Variants in ENTREP2 observed in about 807,000 individuals in gnomAD.
ENTREP2 encodes protein ENTREP2.
the ENTREP2 span, among the ~76,000 whole-genome samples, chr15:29,423,553 C>G: frequency 6.6e-6 from 1 of 151,332 alleles, no homozygotes; most frequent in South Asian, 2.1e-4. Context: ...TTCAGGAGGC[C>G]AAGGCGGGCG....
chr15:29,457,146 C>T, the ENTREP2 span, among the ~76,000 whole-genome samples: 1 of 152,138 alleles, frequency 6.6e-6, no homozygotes, highest in Non-Finnish European at 1.5e-5. Context: ...GCACGACTTC[C>T]CAAAGGAAAG....
At chr15:29,417,693 ATGT>A in the ENTREP2 span, among the ~76,000 whole-genome samples, 2 of 151,976 alleles carry the variant, frequency 1.3e-5, no homozygotes, top group African/African-American at 2.4e-5. Context: ...AAAAAAAGAA[ATGT>A]TGATGTGGCT....
At chr15:29,673,513 G>T in the ENTREP2 span, among the ~76,000 whole-genome samples, 22 of 152,116 alleles carry the variant, frequency 1.4e-4, no homozygotes. Flanking sequence ...GCTGATCATC[G>T]ATCATCATGT....
the ENTREP2 span, among the ~76,000 whole-genome samples, chr15:29,152,744 G>A: frequency 0.15 from 22,673 of 152,126 alleles, 3,118 homozygotes; most frequent in African/African-American, 0.36. Flanking sequence ...GCTGTTGTGA[G>A]CCTTTGTTTA....
At chr15:29,269,477 C>T in the ENTREP2 span, 1 of 1,611,330 alleles carries the variant, frequency 6.2e-7, no homozygotes. Context: ...CTGGGCCCCA[C>T]GGCGGGGGCG....
At chr15:29,319,160 G>A in the ENTREP2 span, among the ~76,000 whole-genome samples, 3 of 152,308 alleles carry the variant, frequency 2.0e-5, no homozygotes, top group Admixed American at 1.3e-4. Flanking sequence ...CTGAAGACAC[G>A]AGAAATAGTT....
the ENTREP2 span, among the ~76,000 whole-genome samples, chr15:29,544,299 G>T: frequency 6.6e-6 from 1 of 152,162 alleles, no homozygotes; most frequent in African/African-American, 2.4e-5. Flanking sequence ...TTAGTAGTCA[G>T]ATTGATAGAG....
the ENTREP2 span, among the ~76,000 whole-genome samples, chr15:29,466,168 G>A: frequency 6.6e-6 from 1 of 152,210 alleles, no homozygotes; most frequent in East Asian, 1.9e-4. Flanking sequence ...GGAAGGGCCA[G>A]TGAGAGCAGC....
At chr15:29,268,780 G>T in the ENTREP2 span, 5 of 1,591,926 alleles carry the variant, frequency 3.1e-6, no homozygotes, top group Non-Finnish European at 4.3e-6. Context: ...GGGTCCCTCT[G>T]AATCCACCTT....
chr15:29,657,909 G>T, the ENTREP2 span, among the ~76,000 whole-genome samples: 1 of 152,052 alleles, frequency 6.6e-6, no homozygotes, highest in South Asian at 2.1e-4. Context: ...CAGTAAAAAA[G>T]GAATGAACTA....
the ENTREP2 span, among the ~76,000 whole-genome samples, chr15:29,289,483 G>C: frequency 3.3e-5 from 5 of 152,060 alleles, no homozygotes; most frequent in African/African-American, 1.2e-4. Context: ...TGTGGAAAAT[G>C]ATCTGGCATT....
the ENTREP2 span, among the ~76,000 whole-genome samples, chr15:29,655,794 G>A: frequency 6.6e-6 from 1 of 152,146 alleles, no homozygotes; most frequent in Admixed American, 6.5e-5. Context: ...AGGAGGCCAA[G>A]GGGGGTGGAT....
chr15:29,367,318 T>A, the ENTREP2 span, among the ~76,000 whole-genome samples: 806 of 152,206 alleles, frequency 5.3e-3, 9 homozygotes, highest in African/African-American at 0.019. Flanking sequence ...CCCAAATAAT[T>A]CTCATGATGT....
chr15:29,635,063 T>A, the ENTREP2 span, among the ~76,000 whole-genome samples: 1 of 152,118 alleles, frequency 6.6e-6, no homozygotes, highest in African/African-American at 2.4e-5. Context: ...CAGGATGGTC[T>A]CAATCTCCTG....
chr15:29,665,512 C>T, the ENTREP2 span, among the ~76,000 whole-genome samples: 3 of 152,192 alleles, frequency 2.0e-5, no homozygotes, highest in African/African-American at 7.2e-5. Flanking sequence ...CTCCAGGGAA[C>T]CCTTACACCC....
chr15:29,311,302 G>C, the ENTREP2 span, among the ~76,000 whole-genome samples: 1 of 152,126 alleles, frequency 6.6e-6, no homozygotes, highest in South Asian at 2.1e-4. Flanking sequence ...TTTCTGGATG[G>C]TATACTTCTG....
At chr15:29,273,199 CTTTTTTTT>C in the ENTREP2 span, among the ~76,000 whole-genome samples, 1 of 133,828 alleles carries the variant, frequency 7.5e-6, no homozygotes, top group Non-Finnish European at 1.6e-5. Flanking sequence ...ATAAATTAAA[CTTTTTTTT>C]TTTTTTTTTG....
the ENTREP2 span, among the ~76,000 whole-genome samples, chr15:29,400,335 C>T: frequency 6.6e-6 from 1 of 152,126 alleles, no homozygotes; most frequent in Non-Finnish European, 1.5e-5. Flanking sequence ...TTAGAATACA[C>T]AGATTTAATA....
At chr15:29,388,228 A>C in the ENTREP2 span, among the ~76,000 whole-genome samples, 2 of 152,230 alleles carry the variant, frequency 1.3e-5, no homozygotes, top group African/African-American at 4.8e-5. Context: ...CATCTGCCAA[A>C]GGGCTCATAT....
Sources: allele counts gnomAD v4.1 joint callset (sites outside exome capture counted in the v4.1 genomes callset), GRCh38; gene constraint gnomAD v4.1.1; transcripts MANE v1.5; gene names NCBI Gene and HGNC (gene_info 2026-07-23, HGNC 2026-07-21).